PIEZO2: variants seen among roughly 807,000 people sequenced by gnomAD.
PIEZO2 encodes the protein piezo-type mechanosensitive ion channel component 2.
A neutral mutation model predicts 337.3 loss-of-function variants in PIEZO2; 172 were observed. The observed-to-expected ratio is 0.51, with a 90% confidence interval of 0.45 to 0.58. The LOEUF is 0.58. PIEZO2 is among the 20% of genes least tolerant of loss of function. PIEZO2 has a pLI of 0.00. For synonymous variants in PIEZO2, 1,251 were observed against 1,228.5 expected (o/e 1.02, Z -0.38); for missense variants, 3,028 against 3,391.3 (o/e 0.89, Z 2.66).
rs548032031 is a variant in PIEZO2 at position 10,959,363 on chromosome 18, C to G, written c.286+20172G>C. 1.3e-4 allele frequency among the ~76,000 whole-genome samples: 20 copies of G among 152,204 alleles called. No homozygotes were observed. The South Asian group carries it at 4.1e-3, about 32-fold the overall frequency. On this transcript the variant is annotated intron_variant, in intron 3 of 55. Coordinates refer to ENST00000674853, the MANE Select transcript of PIEZO2 (RefSeq NM_001378183.1). Reference sequence around the variant, plus strand: ...TTTACACTTAACAATTATCTAAAGGCAGGCTGTTAAATAATAATTTAAGTT... The same window carrying G: ...TTTACACTTAACAATTATCTAAAGGGAGGCTGTTAAATAATAATTTAAGTT...
chr18:11,076,315 G>A (rs2038542448), intron 1 of PIEZO2, among the ~76,000 whole-genome samples: 1 of 152,098 alleles, frequency 6.6e-6, no homozygotes, highest in Non-Finnish European at 1.5e-5. Context: ...TTAGGGTAAA[G>A]CCTAAAGGAA....
intron 2 of PIEZO2, among the ~76,000 whole-genome samples, chr18:11,041,528 T>C (rs1317405367): frequency 1.3e-5 from 2 of 152,192 alleles, no homozygotes; most frequent in Non-Finnish European, 2.9e-5. Context: ...TAAAGGTCAG[T>C]GGGTTTTTAT....
intron 1 of PIEZO2, among the ~76,000 whole-genome samples, chr18:11,130,153 G>A (rs2040301523): frequency 6.6e-6 from 1 of 152,208 alleles, no homozygotes. Flanking sequence ...ATGCAGAGGT[G>A]GTGATTCCCA....
rs1414570052 is a variant in PIEZO2 at position 10,724,850 on chromosome 18, G to C, written c.5029+6557C>G. ...CACCTGGGCCACGGCGGCCACATGC[G>C]TCGCAGTGAGAGCACCTACTCTGTA... On this transcript the variant is annotated intron_variant, in intron 36 of 55. Transcript: ENST00000674853. This position sits in a 1 kb window ranked among gnomAD's most constrained non-coding sequence, Gnocchi z 5.8. 26 of 1,604,478 alleles carry C rather than the reference G, an allele frequency of 1.6e-5. No individual in the cohort carries two copies. The highest frequency in any genetic ancestry group is 2.0e-5 in the Non-Finnish European group (23 of 1,175,482).
rs869210659 is a variant in PIEZO2, at chr18:10,809,260, CTTTTTTTTTTTTT to C, written c.918-1999_918-1987del. Among the ~76,000 whole-genome samples, 6 of 65,804 alleles carry C rather than the reference CTTTTTTTTTTTTT, an allele frequency of 9.1e-5. No individual in the cohort carries two copies. The South Asian group carries it at 1.8e-3, about 20-fold the overall frequency. 43.2% of individuals were successfully genotyped at this position (65,804 alleles called of 152,430 possible). A position where few individuals can be genotyped will look rare whatever the true frequency, so the allele number is the denominator to read the frequency against. On this transcript the variant is annotated intron_variant, in intron 7 of 55. Transcript: ENST00000674853. ...ACCTAAGATTTCTCTCTCTCTCTCTCTTTTTTTTTTTTTTTTTTTTTTTTTTTTTGAGACAGAG... is the reference window on the plus strand; with the variant it reads ...ACCTAAGATTTCTCTCTCTCTCTCTCTTTTTTTTTTTTTTTTGAGACAGAG...
intron 39 of PIEZO2, among the ~76,000 whole-genome samples, chr18:10,712,327 T>G (rs2035853372): frequency 6.6e-6 from 1 of 152,162 alleles, no homozygotes; most frequent in Non-Finnish European, 1.5e-5. Flanking sequence ...AGAGCTTAGG[T>G]AACATGGAGC....
Position 10,789,069 on chromosome 18 carries a change from G to A in PIEZO2, c.2169+10C>T. 6.5e-7 allele frequency: 1 copy of A among 1,534,006 alleles called. No individual in the cohort carries two copies. The highest frequency in any genetic ancestry group is 1.4e-5 in the African/African-American group (1 of 73,118). ...GATGTGAGAATTAAAATGGTCAACT[G>A]TGTACCTACCTGGTATAGGGCCACA... On this transcript the variant is annotated intron_variant, in intron 15 of 55. Transcript: ENST00000674853.
chr18:10,814,155 G>A (rs1251031664), intron 7 of PIEZO2, among the ~76,000 whole-genome samples: 1 of 151,838 alleles, frequency 6.6e-6, no homozygotes, highest in Non-Finnish European at 1.5e-5. Context: ...TTTTTTAGTA[G>A]AGACAGGGTT....
Position 10,877,737 on chromosome 18 carries a change from C to T in PIEZO2, c.330-6322G>A, listed in dbSNP as rs79179805. ...GTCCCCTCTGCCAGCCAGGCCTCCA[C>T]ATTAATATCAGAGTTTAGTTTTTAG... On this transcript the variant is annotated intron_variant, in intron 4 of 55. Transcript: ENST00000674853. The surrounding 1 kb of genome is among the most constrained non-coding windows in gnomAD (Gnocchi z 5.3). Among the ~76,000 whole-genome samples the T allele has an allele frequency of 0.021, 3,194 of 152,280 alleles. 112 individuals carry two copies. Among genetic ancestry groups the T allele is most frequent in the African/African-American group, 0.072 (2,997 of 41,544 alleles).
Position 10,866,434 on chromosome 18 carries a change from C to T in PIEZO2, c.492+4819G>A, listed in dbSNP as rs564814828. Reference sequence around the variant, plus strand: ...CTGAGTAGGTGGGACTACAGGCACCCGCCACCACACCTGGCTAATTTTTTG... The same window carrying T: ...CTGAGTAGGTGGGACTACAGGCACCTGCCACCACACCTGGCTAATTTTTTG... On this transcript the variant is annotated intron_variant, in intron 5 of 55. Coordinates refer to ENST00000674853, the MANE Select transcript of PIEZO2 (RefSeq NM_001378183.1). Among the ~76,000 whole-genome samples, 193 of 152,066 alleles carry T rather than the reference C, an allele frequency of 1.3e-3. 2 individuals are homozygous for T. The highest frequency in any genetic ancestry group is 4.4e-3 in the African/African-American group (181 of 41,462).
At chr18:11,118,769 CAGAG>C (rs1407277129) in intron 1 of PIEZO2, among the ~76,000 whole-genome samples, 3 of 141,124 alleles carry the variant, frequency 2.1e-5, no homozygotes, top group Non-Finnish European at 3.2e-5. Flanking sequence ...GAAAAAAAAA[CAGAG>C]AGAGAGAGCG....
Position 11,082,001 on chromosome 18 carries a change from C to T in PIEZO2, c.65-15779G>A, listed in dbSNP as rs191148968. Among the ~76,000 whole-genome samples the T allele has an allele frequency of 1.8e-3, 269 of 152,214 alleles. 2 individuals are homozygous for T. The highest frequency in any genetic ancestry group is 3.4e-3 in the Middle Eastern group (1 of 294). ...TCTCGAGCTCCTGACCTCAGGTGATCCACCCGCCTCAGCCTCCCAAAGTGC... is the reference window on the plus strand; with the variant it reads ...TCTCGAGCTCCTGACCTCAGGTGATTCACCCGCCTCAGCCTCCCAAAGTGC... On this transcript the variant is annotated intron_variant, in intron 1 of 55. Transcript: ENST00000674853.
chr18:11,132,234 C>CT lies in PIEZO2; in HGVS notation c.64+16290dup, dbSNP rs1281441126. 6.6e-6 allele frequency among the ~76,000 whole-genome samples: 1 copy of CT among 152,198 alleles called. No individual in the cohort carries two copies. Among genetic ancestry groups the CT allele is most frequent in the East Asian group, 1.9e-4 (1 of 5,192 alleles). On this transcript the variant is annotated intron_variant, in intron 1 of 55. Coordinates refer to ENST00000674853, the MANE Select transcript of PIEZO2 (RefSeq NM_001378183.1). The surrounding 1 kb of genome is among the most constrained non-coding windows in gnomAD (Gnocchi z 4.7). ...TACCATCCATGGACTCACAGAATGC[C>CT]TTATCCACCAACATGGTATTCCACA...
chr18:10,799,144 G>C lies in PIEZO2; in HGVS notation c.1378+1193C>G, dbSNP rs941737835. Among the ~76,000 whole-genome samples, 4 of 152,226 alleles carry C rather than the reference G, an allele frequency of 2.6e-5. No homozygotes were observed. In the East Asian group the frequency reaches 7.7e-4, roughly 29 times the overall value. ...GACATGAGAATAAACCTGATAAAGA[G>C]TTATGCGAAAAGGCCCTTGGAGTAT... On this transcript the variant is annotated intron_variant, in intron 11 of 55. Coordinates refer to ENST00000674853, the MANE Select transcript of PIEZO2 (RefSeq NM_001378183.1).
intron 39 of PIEZO2, among the ~76,000 whole-genome samples, chr18:10,712,989 A>C (rs1452962143): frequency 6.6e-6 from 1 of 152,206 alleles, no homozygotes; most frequent in Non-Finnish European, 1.5e-5. Context: ...ATTAAAAGAA[A>C]AATATAGTCT....
chr18:10,799,506 C>T (rs7239834), intron 11 of PIEZO2, among the ~76,000 whole-genome samples: 46,304 of 151,970 alleles, frequency 0.3, 7,575 homozygotes, highest in Middle Eastern at 0.41. Flanking sequence ...TTAAATGCTG[C>T]GCAGACCAAA....
At chr18:11,025,339 CG>C (rs2036499274) in intron 2 of PIEZO2, among the ~76,000 whole-genome samples, 2 of 152,088 alleles carry the variant, frequency 1.3e-5, no homozygotes, top group African/African-American at 4.8e-5. Flanking sequence ...GATAGGTAAA[CG>C]GGGCAGATAA....
At chr18:11,084,799 C>T (rs2038862089) in intron 1 of PIEZO2, among the ~76,000 whole-genome samples, 2 of 152,194 alleles carry the variant, frequency 1.3e-5, no homozygotes, top group South Asian at 4.1e-4. Flanking sequence ...AAACACTGCT[C>T]CCAGGATCAG....
intron 2 of PIEZO2, among the ~76,000 whole-genome samples, chr18:11,000,777 G>A (rs1367078994): frequency 6.6e-6 from 1 of 152,214 alleles, no homozygotes; most frequent in African/African-American, 2.4e-5. Context: ...TTTTTGGGGT[G>A]GCTCCCGGCA....
Sources: gnomAD v4.1 joint callset for allele counts (sites outside exome capture counted in the v4.1 genomes callset) on GRCh38, gnomAD v4.1.1 for gene constraint, Gnocchi (gnomAD v3.1) non-coding constraint, MANE v1.5 for transcripts, NCBI Gene and HGNC (gene_info 2026-07-23, HGNC 2026-07-21) for gene names.